LINC00305: variants seen among roughly 807,000 people sequenced by gnomAD.
The protein encoded by LINC00305 is long intergenic non-protein coding RNA 305.
chr18:64,112,066 T>G (rs2051316862), intron 1 of LINC00305, among the ~76,000 whole-genome samples: 1 of 152,182 alleles, frequency 6.6e-6, no homozygotes, highest in African/African-American at 2.4e-5. Flanking sequence ...ATCTTCAAGC[T>G]TATTTCTCGG....
At chr18:64,099,542 C>T (rs1599210314) in intron 1 of LINC00305, among the ~76,000 whole-genome samples, 1 of 152,192 alleles carries the variant, frequency 6.6e-6, no homozygotes, top group Admixed American at 6.5e-5. Flanking sequence ...TTGAAATGAT[C>T]TCACTCCTGA....
At chr18:64,080,078 C>T (rs1276963485) in exon 4 of LINC00305, 1 of 171,866 alleles carries the variant, frequency 5.8e-6, no homozygotes, top group Non-Finnish European at 1.3e-5. Flanking sequence ...TCAAAGAAGA[C>T]AAATAAATGG....
At chr18:64,138,805 T>C (rs1331056401) in intron 1 of LINC00305, among the ~76,000 whole-genome samples, 1 of 152,174 alleles carries the variant, frequency 6.6e-6, no homozygotes, top group Non-Finnish European at 1.5e-5. Flanking sequence ...ACTCTCTGTG[T>C]TTTCTTAGTA....
intron 1 of LINC00305, among the ~76,000 whole-genome samples, chr18:64,138,721 T>C (rs1170305625): frequency 6.6e-6 from 1 of 152,232 alleles, no homozygotes; most frequent in African/African-American, 2.4e-5. Context: ...GGTTATTTTC[T>C]AACCCTTGGC....
At chr18:64,112,134 C>T (rs2051317256) in intron 1 of LINC00305, among the ~76,000 whole-genome samples, 1 of 152,070 alleles carries the variant, frequency 6.6e-6, no homozygotes. Context: ...TACAATCAGC[C>T]TGCCGCAGAT....
intron 2 of LINC00305, chr18:64,098,550 A>C: frequency 2.3e-6 from 1 of 438,462 alleles, no homozygotes; most frequent in Non-Finnish European, 4.5e-6. Context: ...TGTAACTTTA[A>C]AGAAAGAATT....
intron 1 of LINC00305, among the ~76,000 whole-genome samples, chr18:64,124,960 G>C (rs1380280421): frequency 6.6e-6 from 1 of 151,980 alleles, no homozygotes; most frequent in South Asian, 2.1e-4. Context: ...AGCACTTTTT[G>C]ATCTGATGAA....
chr18:64,104,812 T>C lies in LINC00305; in HGVS notation n.315-6172A>G, dbSNP rs1210565074. On this transcript the variant is annotated intron_variant and non_coding_transcript_variant, in intron 1 of 3. Coordinates refer to ENST00000666468, the Ensembl canonical transcript of LINC00305. Reference sequence around the variant, plus strand: ...CAGGGACCGGTCTGGACACTCACCTTATGTCCGTTTCTCCTGAAATCTGCC... The same window carrying C: ...CAGGGACCGGTCTGGACACTCACCTCATGTCCGTTTCTCCTGAAATCTGCC... Among the ~76,000 whole-genome samples, 4 of 152,080 alleles carry C rather than the reference T, an allele frequency of 2.6e-5. 1 individual carries two copies. Among genetic ancestry groups the C allele is most frequent in the Admixed American group, 2.6e-4 (4 of 15,258 alleles).
chr18:64,134,663 G>A (rs938478217), intron 1 of LINC00305, among the ~76,000 whole-genome samples: 2 of 152,084 alleles, frequency 1.3e-5, no homozygotes, highest in African/African-American at 4.8e-5. Flanking sequence ...AAATAGGGGG[G>A]TCCAAGTTAC....
At position 64,087,596 on chromosome 18, in the gene LINC00305, A is replaced by T. The variant is rs143290826; in HGVS notation, n.541-7194T>A. Among the ~76,000 whole-genome samples the T allele has an allele frequency of 3.4e-3, 518 of 152,312 alleles. 5 individuals are homozygous for T. The highest frequency in any genetic ancestry group is 0.012 in the African/African-American group (481 of 41,562). On this transcript the variant is annotated intron_variant and non_coding_transcript_variant, in intron 3 of 3. Transcript: ENST00000666468. ...TTTGAAATATATTTTAAAAACCTAG[A>T]TTCCTCAAAGAAATCTGTTAAATAC...
At chr18:64,135,059 G>A (rs749868933) in intron 1 of LINC00305, among the ~76,000 whole-genome samples, 1 of 152,150 alleles carries the variant, frequency 6.6e-6, no homozygotes, top group African/African-American at 2.4e-5. Context: ...AGCAGTATCC[G>A]TTCCTTTTGA....
intron 1 of LINC00305, among the ~76,000 whole-genome samples, chr18:64,143,973 A>C (rs890670547): frequency 1.3e-5 from 2 of 152,146 alleles, no homozygotes; most frequent in African/African-American, 4.8e-5. Flanking sequence ...AAAGGTAAGA[A>C]GTATTCTGTT....
chr18:64,146,529 C>T (rs764650245), intron 1 of LINC00305, among the ~76,000 whole-genome samples: 1 of 152,108 alleles, frequency 6.6e-6, no homozygotes, highest in Non-Finnish European at 1.5e-5. Context: ...GACCTGGTGC[C>T]CCAACGGTCA....
chr18:64,134,705 T>G (rs2051424773), intron 1 of LINC00305, among the ~76,000 whole-genome samples: 1 of 152,246 alleles, frequency 6.6e-6, no homozygotes, highest in Non-Finnish European at 1.5e-5. Context: ...TATTTACTTG[T>G]CAGATTTATT....
intron 3 of LINC00305, among the ~76,000 whole-genome samples, chr18:64,095,217 C>T (rs2051240695): frequency 6.6e-6 from 1 of 152,072 alleles, no homozygotes; most frequent in Admixed American, 6.6e-5. Context: ...AGGGACAATC[C>T]TCCTACTCTA....
chr18:64,095,757 T>C (rs1470802114), intron 3 of LINC00305, among the ~76,000 whole-genome samples: 1 of 152,060 alleles, frequency 6.6e-6, no homozygotes, highest in African/African-American at 2.4e-5. Flanking sequence ...TAGAATACAT[T>C]TGGAGTTTCG....
At chr18:64,102,140 G>C (rs2051269857) in intron 1 of LINC00305, among the ~76,000 whole-genome samples, 1 of 152,026 alleles carries the variant, frequency 6.6e-6, no homozygotes, top group South Asian at 2.1e-4. Context: ...ATCCTCACTT[G>C]TCCCATAAAC....
intron 1 of LINC00305, among the ~76,000 whole-genome samples, chr18:64,130,492 CCAAA>C (rs2051404734): frequency 6.7e-6 from 1 of 150,250 alleles, no homozygotes; most frequent in South Asian, 2.1e-4. Context: ...TTACTGTGCG[CCAAA>C]CACATTTCCA....
At chr18:64,110,508 G>A (rs575490040) in intron 1 of LINC00305, among the ~76,000 whole-genome samples, 1 of 152,234 alleles carries the variant, frequency 6.6e-6, no homozygotes, top group South Asian at 2.1e-4. Context: ...AGCATAGAAA[G>A]GTAAATTGGA....
Sources: allele counts gnomAD v4.1 joint callset (sites outside exome capture counted in the v4.1 genomes callset), GRCh38; gene constraint gnomAD v4.1.1; transcripts MANE v1.5; gene names NCBI Gene and HGNC (gene_info 2026-07-23, HGNC 2026-07-21).